ACYP2: variants seen among roughly 807,000 people sequenced by gnomAD.
The protein encoded by ACYP2 is acylphosphatase 2, also known as acylphosphatase-2.
Under a neutral mutation model 11.2 loss-of-function variants are expected in ACYP2, and 12 were observed. That is an observed-to-expected ratio of 1.08 (90% CI 0.69 to 1.74). The LOEUF is 1.74. Among genes scored for constraint, ACYP2 ranks in the 40% most tolerant of loss-of-function variants. The probability of loss-of-function intolerance (pLI) is 0.00; values close to 1 mark genes in which losing one functional copy is unlikely to be tolerated. For synonymous variants in ACYP2, 43 were observed against 32.2 expected (o/e 1.33, Z -1.13); for missense variants, 134 against 101.9 (o/e 1.31, Z -1.35).
At chr2:54,287,469 AC>A (rs1353974025) in intron 6 of ACYP2, among the ~76,000 whole-genome samples, 5 of 152,012 alleles carry the variant, frequency 3.3e-5, no homozygotes. Flanking sequence ...TTCCCCTTGA[AC>A]ATGGGCCAGC....
intron 2 of ACYP2, among the ~76,000 whole-genome samples, chr2:54,046,631 G>A (rs971642871): frequency 3.3e-5 from 5 of 152,150 alleles, no homozygotes; most frequent in African/African-American, 1.2e-4. Context: ...GAGGCATGGG[G>A]ATAAGGCCAC....
chr2:54,047,903 G>A (rs777646629), intron 2 of ACYP2, among the ~76,000 whole-genome samples: 14 of 152,134 alleles, frequency 9.2e-5, no homozygotes, highest in African/African-American at 2.2e-4. Context: ...AAGAAAACTC[G>A]TCAATGGCTA....
Position 54,138,623 on chromosome 2 carries a change from T to A in ACYP2, c.295-16T>A. On this transcript the variant is annotated splice_polypyrimidine_tract_variant and intron_variant, in intron 5 of 6. Transcript: ENST00000607452. ...TTGATGCTGCACTTTATTCTTCTTG[T>A]TTTTTCCTGAAACAGTATACAGAAG... 4 of 1,596,746 alleles carry A rather than the reference T, an allele frequency of 2.5e-6. No homozygotes were observed. The highest frequency in any genetic ancestry group is 3.4e-6 in the Non-Finnish European group (4 of 1,168,300).
chr2:54,213,824 G>T (rs1174173467), intron 6 of ACYP2, among the ~76,000 whole-genome samples: 1 of 151,800 alleles, frequency 6.6e-6, no homozygotes, highest in Non-Finnish European at 1.5e-5. Flanking sequence ...CTGGAGTGCA[G>T]TGGCATGAAC....
intron 4 of ACYP2, among the ~76,000 whole-genome samples, chr2:54,079,464 AC>A (rs1478332373): frequency 1.3e-5 from 2 of 152,166 alleles, no homozygotes; most frequent in Non-Finnish European, 2.9e-5. Context: ...ACAATGAGAA[AC>A]CAGCTGTCCC....
At chr2:54,186,709 T>C (rs1684018742) in intron 6 of ACYP2, among the ~76,000 whole-genome samples, 1 of 152,060 alleles carries the variant, frequency 6.6e-6, no homozygotes, top group African/African-American at 2.4e-5. Context: ...AGACGGGGCT[T>C]CACCATGTTG....
chr2:54,274,827 A>G (rs1054016338), intron 6 of ACYP2, among the ~76,000 whole-genome samples: 6 of 152,214 alleles, frequency 3.9e-5, no homozygotes, highest in African/African-American at 1.4e-4. Flanking sequence ...AGAAAACATT[A>G]CATCAGCCAT....
At chr2:54,292,021 A>C (rs1248998974) in intron 6 of ACYP2, among the ~76,000 whole-genome samples, 1 of 152,186 alleles carries the variant, frequency 6.6e-6, no homozygotes, top group African/African-American at 2.4e-5. Context: ...AAATCCAGAT[A>C]GTTTTGTTTT....
chr2:54,177,701 C>T (rs1169583844), intron 6 of ACYP2, among the ~76,000 whole-genome samples: 1 of 151,624 alleles, frequency 6.6e-6, no homozygotes, highest in Non-Finnish European at 1.5e-5. Context: ...TCTCAGCCTC[C>T]CAAGTAGCTG....
At chr2:54,258,791 G>C (rs1312509024) in intron 6 of ACYP2, among the ~76,000 whole-genome samples, 1 of 152,134 alleles carries the variant, frequency 6.6e-6, no homozygotes, top group East Asian at 1.9e-4. Context: ...ATTTTCTGTT[G>C]CTGTAACTGA....
chr2:53,997,054 C>T (rs1672607416), intron 2 of ACYP2, among the ~76,000 whole-genome samples: 1 of 152,168 alleles, frequency 6.6e-6, no homozygotes, highest in Non-Finnish European at 1.5e-5. Flanking sequence ...ATATGTGGAA[C>T]CTATTCACTA....
intron 4 of ACYP2, among the ~76,000 whole-genome samples, chr2:54,087,127 A>ATTT (rs1677986525): frequency 6.6e-6 from 1 of 152,266 alleles, no homozygotes; most frequent in South Asian, 2.1e-4. Context: ...TAGGCCAGTT[A>ATTT]GAGTTTAAGG....
In ACYP2 at chr2:54,269,285, A is replaced by G. The variant is rs368391333; in HGVS notation, c.405-35403A>G. Reference sequence around the variant, plus strand: ...TCTTAATCTAAACAATGCCTTTTACATGAGAAACAGTAAACAAGATGGCAA... The same window carrying G: ...TCTTAATCTAAACAATGCCTTTTACGTGAGAAACAGTAAACAAGATGGCAA... On this transcript the variant is annotated intron_variant, in intron 6 of 6. Transcript: ENST00000607452. Among the ~76,000 whole-genome samples the G allele has an allele frequency of 4.7e-4, 72 of 152,348 alleles. 2 individuals carry two copies. The South Asian group carries it at 0.014, about 30-fold the overall frequency.
chr2:54,138,395 G>A (rs1051108403), intron 5 of ACYP2, among the ~76,000 whole-genome samples: 16 of 152,092 alleles, frequency 1.1e-4, no homozygotes, highest in South Asian at 4.1e-4. Flanking sequence ...CACTCTCAGC[G>A]TAGTTTTTCA....
At chr2:53,982,828 C>CTGTGTGTGTGTGTGTGTGTGTGTG (rs3066946) in intron 2 of ACYP2, among the ~76,000 whole-genome samples, 2 of 140,524 alleles carry the variant, frequency 1.4e-5, no homozygotes, top group African/African-American at 5.5e-5. Context: ...TCACACAAGA[C>CTGTGTGTGTGTGTGTGTGTGTGTG]TGTGTGTGTG....
At chr2:54,238,351 G>A (rs919907668) in intron 6 of ACYP2, among the ~76,000 whole-genome samples, 6 of 152,122 alleles carry the variant, frequency 3.9e-5, no homozygotes, top group Non-Finnish European at 7.4e-5. Context: ...CCATCCCCTG[G>A]AATAGTGCCT....
At chr2:54,250,530 C>T (rs1475709747) in intron 6 of ACYP2, among the ~76,000 whole-genome samples, 1 of 151,990 alleles carries the variant, frequency 6.6e-6, no homozygotes, top group South Asian at 2.1e-4. Context: ...CTACCAATAG[C>T]AAAGAGAAAA....
intron 6 of ACYP2, among the ~76,000 whole-genome samples, chr2:54,267,768 AG>A: frequency 6.6e-6 from 1 of 152,316 alleles, no homozygotes; most frequent in African/African-American, 2.4e-5. Context: ...CATCTTTTCA[AG>A]CAGCTTCCCT....
chr2:54,140,110 G>A (rs1200207674), intron 6 of ACYP2, among the ~76,000 whole-genome samples: 1 of 152,068 alleles, frequency 6.6e-6, no homozygotes, highest in Non-Finnish European at 1.5e-5. Flanking sequence ...AAACTGTGGG[G>A]TGACAGTTAA....
Sources: gnomAD v4.1 joint callset for allele counts (sites outside exome capture counted in the v4.1 genomes callset) on GRCh38, gnomAD v4.1.1 for gene constraint, MANE v1.5 for transcripts, NCBI Gene and HGNC (gene_info 2026-07-23, HGNC 2026-07-21) for gene names.